Variants in CRPPA observed in about 807,000 individuals in gnomAD.
The protein encoded by CRPPA is D-ribitol-5-phosphate cytidylyltransferase.
In CRPPA, 43 loss-of-function variants were observed where a neutral mutation model predicts 52.0. The observed-to-expected ratio is 0.83, with a 90% confidence interval of 0.65 to 1.07. The LOEUF (loss-of-function observed/expected upper bound fraction) is 1.07. Ranked by LOEUF, CRPPA falls within the 50% of genes least tolerant of loss-of-function variation. CRPPA has a pLI of 0.00. For synonymous variants in CRPPA, 250 were observed against 203.5 expected (o/e 1.23, Z -1.94); for missense variants, 629 against 551.7 (o/e 1.14, Z -1.40).
intron 9 of CRPPA, among the ~76,000 whole-genome samples, chr7:16,196,980 G>C (rs1483861497): frequency 6.6e-6 from 1 of 151,722 alleles, no homozygotes; most frequent in Admixed American, 6.6e-5. Flanking sequence ...AAACACAACA[G>C]GTGCTTTGTT....
chr7:16,265,000 G>C (rs149191297), intron 6 of CRPPA, among the ~76,000 whole-genome samples: 25 of 152,232 alleles, frequency 1.6e-4, no homozygotes, highest in African/African-American at 5.8e-4. Context: ...ATTTATATGA[G>C]GATTGGCTAA....
At chr7:16,376,930 C>T (rs1391362373) in intron 2 of CRPPA, among the ~76,000 whole-genome samples, 1 of 152,106 alleles carries the variant, frequency 6.6e-6, no homozygotes, top group Non-Finnish European at 1.5e-5. Flanking sequence ...TTTTGAAGGC[C>T]ATTACCAGAA....
chr7:16,296,027 A>G (rs1297991684), intron 5 of CRPPA, among the ~76,000 whole-genome samples: 1 of 152,156 alleles, frequency 6.6e-6, no homozygotes, highest in East Asian at 1.9e-4. Flanking sequence ...GATTATGACG[A>G]ATACTTTTTT....
chr7:16,126,363 A>C (rs112294467), intron 9 of CRPPA, among the ~76,000 whole-genome samples: 39 of 152,284 alleles, frequency 2.6e-4, no homozygotes, highest in African/African-American at 9.1e-4. Flanking sequence ...GAAACAAACT[A>C]TCAGGATGCA....
At chr7:16,344,850 TATCAGTGGATA>T (rs1405181683) in intron 3 of CRPPA, among the ~76,000 whole-genome samples, 1 of 151,822 alleles carries the variant, frequency 6.6e-6, no homozygotes, top group Admixed American at 6.6e-5. Flanking sequence ...GATCTCAGAT[TATCAGTGGATA>T]ATAATGAAGC....
At position 16,267,822 on chromosome 7, in the gene CRPPA, T is replaced by A. The variant is rs919619416; in HGVS notation, c.934-8810A>T. ...GGATTCGAGCGTGGGTCAAAAACAT[T>A]TGAAAAACAAAACTAAACAATAAAA... is the stretch of plus-strand genomic sequence containing the variant. On this transcript the variant is annotated intron_variant, in intron 6 of 9. Coordinates refer to ENST00000407010, the MANE Select transcript of CRPPA (RefSeq NM_001101426.4). 2.6e-5 allele frequency among the ~76,000 whole-genome samples: 4 copies of A among 152,120 alleles called. No individual in the cohort carries two copies. In the South Asian group the frequency reaches 8.3e-4, roughly 32 times the overall value.
At chr7:16,344,405 CAAAAAAAA>C (rs35320924) in intron 3 of CRPPA, among the ~76,000 whole-genome samples, 2 of 99,346 alleles carry the variant, frequency 2.0e-5, no homozygotes, top group South Asian at 4.1e-4. Context: ...TATCTCTACC[CAAAAAAAA>C]AAAAAAAAAA....
rs1230135403 is a variant in CRPPA, at chr7:16,090,345, A to C, written c.*1350T>G. On this transcript the variant is annotated 3_prime_UTR_variant, in exon 10 of 10. Coordinates refer to ENST00000407010, the MANE Select transcript of CRPPA (RefSeq NM_001101426.4). ...ATATTGTATAGTGTATCTTTAACTGAAAACACTTCATGCAACTTTTATAGT... is the reference window on the plus strand; with the variant it reads ...ATATTGTATAGTGTATCTTTAACTGCAAACACTTCATGCAACTTTTATAGT... The C allele has an allele frequency of 6.6e-6, 1 of 152,124 alleles. No homozygotes were observed. Among genetic ancestry groups the C allele is most frequent in the Non-Finnish European group, 1.5e-5 (1 of 68,030 alleles). The allele number at this position is 152,124 out of a possible 1,614,324, so 9.4% of individuals were successfully genotyped here.
chr7:16,200,959 T>G (rs1278615797), intron 9 of CRPPA, among the ~76,000 whole-genome samples: 1 of 152,208 alleles, frequency 6.6e-6, no homozygotes, highest in African/African-American at 2.4e-5. Context: ...TTATGTTATT[T>G]TTTATAGAAG....
At chr7:16,367,694 A>G (rs1446475578) in intron 3 of CRPPA, among the ~76,000 whole-genome samples, 1 of 152,124 alleles carries the variant, frequency 6.6e-6, no homozygotes, top group Non-Finnish European at 1.5e-5. Context: ...CAGGCAGGCT[A>G]TGAATTATGA....
chr7:16,191,501 G>GA (rs1781608607), intron 9 of CRPPA, among the ~76,000 whole-genome samples: 1 of 152,114 alleles, frequency 6.6e-6, no homozygotes, highest in South Asian at 2.1e-4. Flanking sequence ...CTCCTAAGGT[G>GA]AAAGAGGAAG....
chr7:16,290,352 C>T (rs1784535415), intron 5 of CRPPA, among the ~76,000 whole-genome samples: 1 of 151,518 alleles, frequency 6.6e-6, no homozygotes, highest in South Asian at 2.1e-4. Context: ...CAAAGCAATC[C>T]TGAAAAAAAA....
chr7:16,217,327 C>A (rs1203654425), intron 8 of CRPPA, among the ~76,000 whole-genome samples: 1 of 151,952 alleles, frequency 6.6e-6, no homozygotes, highest in Non-Finnish European at 1.5e-5. Flanking sequence ...TAGATAAAAC[C>A]ACAAAGATGG....
chr7:16,397,678 AAC>A (rs1223823929), intron 2 of CRPPA, among the ~76,000 whole-genome samples: 1 of 151,986 alleles, frequency 6.6e-6, no homozygotes, highest in Non-Finnish European at 1.5e-5. Context: ...GTCACCGACA[AAC>A]ACGTGACTGA....
At position 16,311,576 on chromosome 7, in the gene CRPPA, A is replaced by G. The variant is rs558051920; in HGVS notation, c.685-2949T>C. 2.0e-5 allele frequency among the ~76,000 whole-genome samples: 3 copies of G among 152,128 alleles called. No homozygotes were observed. In the South Asian group the frequency reaches 6.2e-4, roughly 32 times the overall value. ...CACAGTTTGTTTATCCCCTCATCTA[A>G]GCTATTTATGTTGGTTCCAGTTTTG... On this transcript the variant is annotated intron_variant, in intron 3 of 9. Coordinates refer to ENST00000407010, the MANE Select transcript of CRPPA (RefSeq NM_001101426.4).
At chr7:16,215,957 A>G in intron 9 of CRPPA, 109 bp downstream of exon 9, 1 of 876,212 alleles carries the variant, frequency 1.1e-6, no homozygotes, top group Non-Finnish European at 1.7e-6. Flanking sequence ...GTAACTTTCC[A>G]GCTGTAATTT....
Position 16,262,979 on chromosome 7 carries a change from ATG to A in CRPPA, c.934-3969_934-3968del, listed in dbSNP as rs1583476408. Among the ~76,000 whole-genome samples the A allele has an allele frequency of 4.6e-5, 7 of 152,334 alleles. No homozygotes were observed. In the East Asian group the frequency reaches 1.3e-3, roughly 29 times the overall value. On this transcript the variant is annotated intron_variant, in intron 6 of 9. Coordinates refer to ENST00000407010, the MANE Select transcript of CRPPA (RefSeq NM_001101426.4). ...TAAAGCAATGGAGAAGGAAGATTTTATGAATGATCTTTATCATATTTACCTGG... is the reference window on the plus strand; with the variant it reads ...TAAAGCAATGGAGAAGGAAGATTTTAAATGATCTTTATCATATTTACCTGG...
chr7:16,397,312 A>G (rs2128316127), intron 2 of CRPPA, among the ~76,000 whole-genome samples: 1 of 152,284 alleles, frequency 6.6e-6, no homozygotes, highest in African/African-American at 2.4e-5. Context: ...CATGTAACTG[A>G]CACGTGATGG....
intron 8 of CRPPA, among the ~76,000 whole-genome samples, chr7:16,238,712 G>C (rs1258076243): frequency 2.0e-5 from 3 of 152,158 alleles, no homozygotes. Context: ...CATATCACCT[G>C]ATTCATGTTT....
Sources: gnomAD v4.1 joint callset for allele counts (sites outside exome capture counted in the v4.1 genomes callset) on GRCh38, gnomAD v4.1.1 for gene constraint, MANE v1.5 for transcripts, NCBI Gene and HGNC (gene_info 2026-07-23, HGNC 2026-07-21) for gene names.